Variants in DNAJC5B observed in about 807,000 individuals in gnomAD.
DNAJC5B encodes dnaJ homolog subfamily C member 5B.
Under a neutral mutation model 24.7 loss-of-function variants are expected in DNAJC5B, and 23 were observed. That is an observed-to-expected ratio of 0.93 (90% CI 0.67 to 1.32). DNAJC5B has a LOEUF of 1.32. Among genes scored for constraint, DNAJC5B ranks in the 40% most tolerant of loss-of-function variants. The pLI, the probability that DNAJC5B is intolerant of heterozygous loss-of-function variation, is 0.00. For missense variants in DNAJC5B, 238 were observed against 240.8 expected, an observed-to-expected ratio of 0.99 and a Z score of 0.08; for synonymous variants, 101 against 90.1, an observed-to-expected ratio of 1.12 and a Z score of -0.68.
chr8:66,062,129 T>G (rs1175166983), intron 3 of DNAJC5B, among the ~76,000 whole-genome samples: 1 of 152,266 alleles, frequency 6.6e-6, no homozygotes, highest in Non-Finnish European at 1.5e-5. Flanking sequence ...CACTGTACTT[T>G]CAGCCCTAGC....
At chr8:66,099,547 C>T (rs1808027854) in intron 5 of DNAJC5B, among the ~76,000 whole-genome samples, 1 of 152,152 alleles carries the variant, frequency 6.6e-6, no homozygotes, top group Non-Finnish European at 1.5e-5. Context: ...TAAACTATAC[C>T]TTTCCTGTAG....
At chr8:66,033,512 G>A (rs1243453040) in intron 1 of DNAJC5B, among the ~76,000 whole-genome samples, 3 of 152,122 alleles carry the variant, frequency 2.0e-5, no homozygotes, top group Admixed American at 6.5e-5. Context: ...TCCACCCAGC[G>A]GATTCTTCTC....
At chr8:66,086,127 G>A (rs1476263416) in intron 5 of DNAJC5B, among the ~76,000 whole-genome samples, 2 of 152,012 alleles carry the variant, frequency 1.3e-5, no homozygotes, top group Non-Finnish European at 2.9e-5. Flanking sequence ...TTTTTATATT[G>A]CCTTTGTATC....
intron 3 of DNAJC5B, among the ~76,000 whole-genome samples, chr8:66,065,742 G>A (rs1287069382): frequency 2.0e-5 from 3 of 152,166 alleles, no homozygotes; most frequent in African/African-American, 7.2e-5. Flanking sequence ...CTTCGATATG[G>A]CTGTGTGAGA....
chr8:66,086,177 G>T lies in DNAJC5B; in HGVS notation c.505+5629G>T, dbSNP rs997182246. Among the ~76,000 whole-genome samples, 4 of 152,194 alleles carry T rather than the reference G, an allele frequency of 2.6e-5. No individual in the cohort carries two copies. The South Asian group carries it at 8.3e-4, about 32-fold the overall frequency. Reference sequence around the variant, plus strand: ...AACTCATTTAACAGTTTGGATTTTTGTGTGTGTGTAAATTCCTTGGGATTT... The same window carrying T: ...AACTCATTTAACAGTTTGGATTTTTTTGTGTGTGTAAATTCCTTGGGATTT... On this transcript the variant is annotated intron_variant, in intron 5 of 5. Coordinates refer to ENST00000276570, the MANE Select transcript of DNAJC5B (RefSeq NM_033105.6).
At chr8:66,078,308 G>A (rs1485461298) in intron 4 of DNAJC5B, among the ~76,000 whole-genome samples, 2 of 152,058 alleles carry the variant, frequency 1.3e-5, no homozygotes, top group Non-Finnish European at 2.9e-5. Context: ...TTCTCCTTGT[G>A]CCAAAGCCCA....
At chr8:66,068,321 A>AT (rs1028929375) in intron 3 of DNAJC5B, among the ~76,000 whole-genome samples, 2 of 151,782 alleles carry the variant, frequency 1.3e-5, no homozygotes, top group South Asian at 2.1e-4. Flanking sequence ...GAGACTGAGA[A>AT]TTTTTTTTTA....
At position 66,098,434 on chromosome 8, in the gene DNAJC5B, C is replaced by T. The variant is rs916046890; in HGVS notation, c.506-1503C>T. On this transcript the variant is annotated intron_variant, in intron 5 of 5. Coordinates refer to ENST00000276570, the MANE Select transcript of DNAJC5B (RefSeq NM_033105.6). ...GCCAGGATGGTCTTGATCTCCTGAC[C>T]TCATGATCCACCTGCTTCGGCCTCC... is the stretch of plus-strand genomic sequence containing the variant. Among the ~76,000 whole-genome samples the T allele has an allele frequency of 9.9e-5, 15 of 152,032 alleles. No individual in the cohort carries two copies. The South Asian group carries it at 1.7e-3, about 17-fold the overall frequency.
chr8:66,083,775 T>C (rs571207977), intron 5 of DNAJC5B, among the ~76,000 whole-genome samples: 1 of 152,334 alleles, frequency 6.6e-6, no homozygotes, highest in Non-Finnish European at 1.5e-5. Context: ...CGTATCCCAC[T>C]AAATTAAACT....
At chr8:66,043,162 G>T (rs1229786079) in intron 1 of DNAJC5B, among the ~76,000 whole-genome samples, 2 of 152,198 alleles carry the variant, frequency 1.3e-5, no homozygotes, top group African/African-American at 4.8e-5. Context: ...TTAATAAATA[G>T]TGAGCAGTTA....
chr8:66,049,672 T>C lies in DNAJC5B; in HGVS notation c.-17-1859T>C, dbSNP rs183545048. On this transcript the variant is annotated intron_variant, in intron 2 of 5. Transcript: ENST00000276570. ...CTCATCGTTAAGTGGTGCGTAACTG[T>C]AACTGAATTGTCGGCTGTGGGTGTT... Among the ~76,000 whole-genome samples, 9 of 152,356 alleles carry C rather than the reference T, an allele frequency of 5.9e-5. No homozygotes were observed. In the East Asian group the frequency reaches 1.7e-3, roughly 29 times the overall value.
rs765814272 is a variant in DNAJC5B at position 66,033,770 on chromosome 8, CTTTTTTTTTTT to C, written c.-141-9705_-141-9695del. Among the ~76,000 whole-genome samples the C allele has an allele frequency of 1.2e-4, 13 of 105,396 alleles. No homozygotes were observed. The East Asian group carries it at 1.8e-3, about 15-fold the overall frequency. The allele number at this position is 105,396 out of a possible 152,430, so 69.1% of individuals were successfully genotyped here. ...GCTTCTTGCTTTCAAGATCATTCCG[CTTTTTTTTTTT>C]TTTTTTTTTTTTGGTAGCATAAAGG... On this transcript the variant is annotated intron_variant, in intron 1 of 5. Transcript: ENST00000276570.
At chr8:66,046,367 C>T (rs944994319) in intron 2 of DNAJC5B, among the ~76,000 whole-genome samples, 2 of 152,188 alleles carry the variant, frequency 1.3e-5, no homozygotes, top group African/African-American at 4.8e-5. Flanking sequence ...TCACCGTGGA[C>T]AGAGCTGCAG....
intron 5 of DNAJC5B, among the ~76,000 whole-genome samples, chr8:66,081,899 A>G (rs1563608560): frequency 6.6e-6 from 1 of 152,164 alleles, no homozygotes; most frequent in African/African-American, 2.4e-5. Context: ...CCTTTATTCA[A>G]GATGTAAAAG....
At chr8:66,035,202 T>C (rs1256222688) in intron 1 of DNAJC5B, among the ~76,000 whole-genome samples, 1 of 152,214 alleles carries the variant, frequency 6.6e-6, no homozygotes, top group Non-Finnish European at 1.5e-5. Context: ...CCACCATCCC[T>C]GGAAATCTAG....
chr8:66,036,133 C>T (rs1806479061), intron 1 of DNAJC5B, among the ~76,000 whole-genome samples: 2 of 152,156 alleles, frequency 1.3e-5, no homozygotes, highest in South Asian at 4.1e-4. Flanking sequence ...TGGCTGAGAC[C>T]TGACATTTTG....
intron 3 of DNAJC5B, among the ~76,000 whole-genome samples, chr8:66,072,498 G>A (rs1807372297): frequency 6.6e-6 from 1 of 151,904 alleles, no homozygotes; most frequent in African/African-American, 2.4e-5. Flanking sequence ...AAAATAATAA[G>A]ACATAAGGCA....
At chr8:66,029,789 T>C in intron 1 of DNAJC5B, among the ~76,000 whole-genome samples, 1 of 152,146 alleles carries the variant, frequency 6.6e-6, no homozygotes, top group East Asian at 1.9e-4. Flanking sequence ...AAACTATCCA[T>C]GCCACAGTAT....
At position 66,098,848 on chromosome 8, in the gene DNAJC5B, T is replaced by G. The variant is rs149790732; in HGVS notation, c.506-1089T>G. Among the ~76,000 whole-genome samples, 298 of 152,248 alleles carry G rather than the reference T, an allele frequency of 2.0e-3. 1 individual carries two copies. Among genetic ancestry groups the G allele is most frequent in the Non-Finnish European group, 3.5e-3 (237 of 68,026 alleles). On this transcript the variant is annotated intron_variant, in intron 5 of 5. Transcript: ENST00000276570. ...TATTTTACTTAATTTATTTAATTAC[T>G]TTTAAAACATAATTCTTTTGTATTC...
Sources: allele counts gnomAD v4.1 joint callset (sites outside exome capture counted in the v4.1 genomes callset), GRCh38; gene constraint gnomAD v4.1.1; transcripts MANE v1.5; gene names NCBI Gene and HGNC (gene_info 2026-07-23, HGNC 2026-07-21).